Variants in MAPKAPK3 observed in about 807,000 individuals in gnomAD.
MAPKAPK3 encodes MAP kinase-activated protein kinase 3.
A neutral mutation model predicts 49.2 loss-of-function variants in MAPKAPK3; 35 were observed. The ratio of observed to expected loss-of-function variants is 0.71; its 90% CI spans 0.54 to 0.94. The LOEUF (loss-of-function observed/expected upper bound fraction) is 0.94. Among genes scored for constraint, MAPKAPK3 ranks in the 40% least tolerant of loss-of-function variants. The pLI is 0.00. For synonymous variants in MAPKAPK3, 178 were observed against 188.7 expected (o/e 0.94, Z 0.46); for missense variants, 398 against 493.1 (o/e 0.81, Z 1.83).
chr3:50,632,190 A>G (rs1236260391), intron 2 of MAPKAPK3, among the ~76,000 whole-genome samples: 2 of 152,340 alleles, frequency 1.3e-5, no homozygotes, highest in South Asian at 4.1e-4. Context: ...TTTCTCCTAT[A>G]TAAGGTTTGA....
chr3:50,624,704 G>A (rs188972672), intron 2 of MAPKAPK3, among the ~76,000 whole-genome samples: 103 of 152,254 alleles, frequency 6.8e-4, no homozygotes, highest in African/African-American at 2.4e-3. Context: ...AAGATCTCTG[G>A]GTGGAGGCAG....
chr3:50,646,776 C>A lies in MAPKAPK3; in HGVS notation c.866C>A (p.Pro289His). The change falls in exon 9 of 11, where the codon CCC becomes CAC. Residue 289 changes from proline (P) to histidine (H), a missense_variant. Pro to His is a moderately conservative substitution (Grantham distance 77). Around this residue, in one of 5 missense-constraint regions of MAPKAPK3, gnomAD observed 152 missense variants for 177.3 expected, o/e 0.86. Coordinates refer to ENST00000621469, the MANE Select transcript of MAPKAPK3 (RefSeq NM_001243925.2). The stretch of plus-strand genomic sequence containing the variant: ...ATCCGCCTCCTGTTGAAGACAGACC[C>A]CACAGAGAGGCTGACCATCACTCAG... ...QLIRLLLKTDPTERLTITQFM... is the reference protein window; with the variant it reads ...QLIRLLLKTDHTERLTITQFM... 1.9e-6 allele frequency: 3 copies of A among 1,614,070 alleles called. No individual in the cohort carries two copies. The highest frequency in any genetic ancestry group is 2.5e-6 in the Non-Finnish European group (3 of 1,180,016).
intron 9 of MAPKAPK3, 21 bp from the exon 10 acceptor site, chr3:50,647,102 C>A (rs534819398): frequency 1.9e-6 from 3 of 1,555,682 alleles, no homozygotes; most frequent in South Asian, 1.2e-5. Context: ...TTCTAATCCA[C>A]GGGCGTGGGG....
At chr3:50,629,084 C>T (rs1017698270) in intron 2 of MAPKAPK3, among the ~76,000 whole-genome samples, 4 of 152,022 alleles carry the variant, frequency 2.6e-5, no homozygotes, top group South Asian at 2.1e-4. Flanking sequence ...TCCCCAGGGT[C>T]GCTCCCCTAA....
upstream of MAPKAPK3, among the ~76,000 whole-genome samples, chr3:50,616,890 C>A (rs529434139): frequency 6.6e-6 from 1 of 152,068 alleles, no homozygotes; most frequent in Non-Finnish European, 1.5e-5. Flanking sequence ...AACCCGGGAC[C>A]CGCACAGTAG....
chr3:50,646,994 T>A lies in MAPKAPK3; in HGVS notation c.916-129T>A, dbSNP rs903015791. ...CAACCTGGCTTTGTCACTGCCCTAGTGAGGCTCCTTCCCCACCCTGAGCCT... is the reference window on the plus strand; with the variant it reads ...CAACCTGGCTTTGTCACTGCCCTAGAGAGGCTCCTTCCCCACCCTGAGCCT... On this transcript the variant is annotated intron_variant, in intron 9 of 10. Coordinates refer to ENST00000621469, the MANE Select transcript of MAPKAPK3 (RefSeq NM_001243925.2). The A allele has an allele frequency of 3.8e-6, 4 of 1,039,430 alleles. No individual in the cohort carries two copies. The African/African-American group carries it at 4.8e-5, about 12-fold the overall frequency. 64.4% of individuals were successfully genotyped at this position (1,039,430 alleles called of 1,614,324 possible).
chr3:50,611,615 A>T (rs1241733415), upstream of MAPKAPK3: 4 of 1,521,412 alleles, frequency 2.6e-6, no homozygotes, highest in Non-Finnish European at 3.5e-6. Flanking sequence ...GGAAGGGGGC[A>T]GAGAGCCGCG....
At chr3:50,628,263 C>T (rs977046058) in intron 2 of MAPKAPK3, among the ~76,000 whole-genome samples, 7 of 152,158 alleles carry the variant, frequency 4.6e-5, no homozygotes, top group African/African-American at 1.7e-4. Context: ...CCCTGGCCAC[C>T]CCTGCTAGGG....
chr3:50,617,768 A>G lies in MAPKAPK3; in HGVS notation c.203A>G (p.Gln68Arg), dbSNP rs1296010021. Reference protein sequence around the residue: ...VLECFHRRTGQKCALKLLYDS... With the variant: ...VLECFHRRTGRKCALKLLYDS... ...GAGTGCTTCCATCGGCGCACTGGAC[A>G]GAAGTGTGCCCTGAAGGTCAGTGAG... Residue 68 changes from glutamine to arginine, a missense_variant, in exon 2 of 11, where the codon CAG becomes CGG. Physicochemically the swap from Gln to Arg is conservative, Grantham distance 43. Around this residue, in one of 5 missense-constraint regions of MAPKAPK3, gnomAD observed 123 missense variants for 117.7 expected, o/e 1.04. Transcript: ENST00000621469. 6.2e-7 allele frequency: 1 copy of G among 1,613,390 alleles called. No homozygotes were observed. The highest frequency in any genetic ancestry group is 2.2e-5 in the East Asian group (1 of 44,876).
At chr3:50,645,276 A>T (rs2033264021) in intron 6 of MAPKAPK3, among the ~76,000 whole-genome samples, 1 of 152,154 alleles carries the variant, frequency 6.6e-6, no homozygotes, top group Non-Finnish European at 1.5e-5. Flanking sequence ...GGCTCCATGG[A>T]TTGGTAGCCA....
intron 2 of MAPKAPK3, among the ~76,000 whole-genome samples, chr3:50,634,644 A>T (rs949216792): frequency 6.6e-6 from 1 of 151,970 alleles, no homozygotes; most frequent in African/African-American, 2.4e-5. Context: ...GCGTACCACC[A>T]CACCCAGCTA....
chr3:50,617,644 G>C lies in MAPKAPK3; in HGVS notation c.79G>C (p.Ala27Pro). 3 of 1,609,652 alleles carry C rather than the reference G, an allele frequency of 1.9e-6. No homozygotes were observed. The South Asian group carries it at 3.3e-5, about 18-fold the overall frequency. Residue 27 changes from alanine to proline, a missense_variant, in exon 2 of 11, where the codon GCT (alanine) becomes CCT (proline). By Grantham distance (27) the Ala-to-Pro change is conservative (BLOSUM62 -1). This residue lies in a region of MAPKAPK3 where 123 missense variants were observed against 117.7 expected (regional missense o/e 1.04). Coordinates refer to ENST00000621469, the MANE Select transcript of MAPKAPK3 (RefSeq NM_001243925.2). ...ACCCGGCGGACCCGGCTTGGGCGGTGCTCCGGGGGGGCGGCGGGAGCCCAA... is the reference window on the plus strand; with the variant it reads ...ACCCGGCGGACCCGGCTTGGGCGGTCCTCCGGGGGGGCGGCGGGAGCCCAA... Reference protein sequence around the residue: ...VAPGGPGLGGAPGGRREPKKY... With the variant: ...VAPGGPGLGGPPGGRREPKKY...
At position 50,649,257 on chromosome 3, in the gene MAPKAPK3, A is replaced by T. The variant is rs1456799268; in HGVS notation, c.*1211A>T. The stretch of plus-strand genomic sequence containing the variant: ...ATAGGACAACACTGCTGGGTTTTAC[A>T]TCCAGATAGTAATAAACACCATTTC... On this transcript the variant is annotated 3_prime_UTR_variant, in exon 11 of 11. Transcript: ENST00000621469. The T allele has an allele frequency of 2.8e-4, 42 of 152,280 alleles. No homozygotes were observed. The highest frequency in any genetic ancestry group is 2.7e-3 in the Admixed American group (42 of 15,290). 9.4% of individuals were successfully genotyped at this position (152,280 alleles called of 1,614,324 possible). A position where few individuals can be genotyped will look rare whatever the true frequency, so the allele number is the denominator to read the frequency against.
At chr3:50,634,811 C>T (rs2032996426) in intron 2 of MAPKAPK3, among the ~76,000 whole-genome samples, 1 of 152,192 alleles carries the variant, frequency 6.6e-6, no homozygotes, top group Admixed American at 6.5e-5. Context: ...TTCTTGTCTT[C>T]CCAGCTGTGA....
At chr3:50,611,829 G>T, upstream of MAPKAPK3, 1 of 759,990 alleles carries the variant, frequency 1.3e-6, no homozygotes, top group Non-Finnish European at 1.9e-6. Context: ...CCAGACGAGC[G>T]GGGCGGGGCG....
At chr3:50,640,985 C>T (rs569017406) in intron 3 of MAPKAPK3, among the ~76,000 whole-genome samples, 1 of 152,328 alleles carries the variant, frequency 6.6e-6, no homozygotes, top group Admixed American at 6.5e-5. Flanking sequence ...CATGGCTCAG[C>T]ACCAGCCATC....
intron 6 of MAPKAPK3, 93 bp downstream of exon 6, chr3:50,644,625 A>C (rs1033152552): frequency 7.4e-7 from 1 of 1,355,106 alleles, no homozygotes; most frequent in African/African-American, 1.4e-5. Flanking sequence ...CAAAGGGTTA[A>C]AGCCCAGCAA....
chr3:50,642,376 T>G lies in MAPKAPK3; in HGVS notation c.504+44T>G, dbSNP rs201966862. 6.2e-5 allele frequency: 87 copies of G among 1,402,716 alleles called. No homozygotes were observed. In the African/African-American group the frequency reaches 1.1e-3, roughly 17 times the overall value. The allele number at this position is 1,402,716 out of a possible 1,614,324, so 86.9% of individuals were successfully genotyped here. A position where few individuals can be genotyped will look rare whatever the true frequency, so the allele number is the denominator to read the frequency against. On this transcript the variant is annotated intron_variant, in intron 5 of 10. Coordinates refer to ENST00000621469, the MANE Select transcript of MAPKAPK3 (RefSeq NM_001243925.2). ...GGTTGGGGGCCCGGGGAAGAGGATA[T>G]TGTCCCACTCCACAATCCCTGATGG...
At chr3:50,617,282 A>C in intron 1 of MAPKAPK3, 41 bp downstream of exon 1, 1 of 330,478 alleles carries the variant, frequency 3.0e-6, no homozygotes. Flanking sequence ...TCCTCCGGGG[A>C]CCTCGCGGCC....
Sources: allele counts gnomAD v4.1 joint callset (sites outside exome capture counted in the v4.1 genomes callset), GRCh38; gene constraint gnomAD v4.1.1; regional missense constraint gnomAD v4.1.1; transcripts MANE v1.5; gene names NCBI Gene and HGNC (gene_info 2026-07-23, HGNC 2026-07-21).